Variants in FGD5 observed in about 807,000 individuals in gnomAD.
FGD5 encodes the protein FYVE, RhoGEF and PH domain containing 5.
FGD5 carries 28 observed loss-of-function variants against 133.4 expected under a neutral mutation model. The ratio of observed to expected loss-of-function variants is 0.21; its 90% CI spans 0.16 to 0.29. The LOEUF (loss-of-function observed/expected upper bound fraction) is 0.29, where lower values mean the gene tolerates loss of function less well. Ranked by LOEUF, FGD5 falls within the 10% of genes least tolerant of loss-of-function variation. FGD5 has a pLI of 1.00. For missense variants in FGD5, 1,858 were observed against 1,895.2 expected, an observed-to-expected ratio of 0.98 and a Z score of 0.36; for synonymous variants, 810 against 776.5, an observed-to-expected ratio of 1.04 and a Z score of -0.72.
intron 11 of FGD5, among the ~76,000 whole-genome samples, chr3:14,915,389 T>C (rs978211786): frequency 9.2e-5 from 14 of 152,234 alleles, no homozygotes; most frequent in African/African-American, 3.4e-4. Context: ...TCCTTACACA[T>C]CCCTACTTTA....
chr3:14,827,101 C>G (rs1391089728), intron 1 of FGD5, among the ~76,000 whole-genome samples: 1 of 152,076 alleles, frequency 6.6e-6, no homozygotes, highest in Non-Finnish European at 1.5e-5. Context: ...GTAGGAATTT[C>G]CAGCTCCCAT....
intron 1 of FGD5, among the ~76,000 whole-genome samples, chr3:14,832,370 T>C (rs1452377773): frequency 1.3e-5 from 2 of 152,280 alleles, no homozygotes; most frequent in African/African-American, 2.4e-5. Context: ...TAGATGCTGT[T>C]TTTTTGTCTG....
intron 1 of FGD5, among the ~76,000 whole-genome samples, chr3:14,846,515 A>G (rs1484463792): frequency 6.6e-6 from 1 of 152,254 alleles, no homozygotes; most frequent in African/African-American, 2.4e-5. Context: ...GCTTAGTTGC[A>G]TAGCTCATAA....
At chr3:14,873,469 G>A (rs900321045) in intron 2 of FGD5, among the ~76,000 whole-genome samples, 1 of 152,146 alleles carries the variant, frequency 6.6e-6, no homozygotes, top group Non-Finnish European at 1.5e-5. Context: ...AAACAGATGG[G>A]ATGAAGGCAT....
At chr3:14,812,510 T>A (rs902323291) in intron 1 of FGD5, among the ~76,000 whole-genome samples, 1 of 152,132 alleles carries the variant, frequency 6.6e-6, no homozygotes, top group South Asian at 2.1e-4. Context: ...TAGAGGCAGG[T>A]TTGGTCCCAG....
At chr3:14,867,442 A>G (rs1486172379) in intron 2 of FGD5, among the ~76,000 whole-genome samples, 1 of 152,232 alleles carries the variant, frequency 6.6e-6, no homozygotes, top group Non-Finnish European at 1.5e-5. Context: ...ATTGCAGTGA[A>G]CTTGTTCACA....
rs186474134 is a variant in FGD5, at chr3:14,844,306, G to A, written c.2526-19822G>A. ...TTCCAGGCCCTTCCCCTGAGACTCG[G>A]ATTCACTGGGTGTGGGGTGTTGCTG... On this transcript the variant is annotated intron_variant, in intron 1 of 19. Transcript: ENST00000285046. Among the ~76,000 whole-genome samples the A allele has an allele frequency of 3.5e-3, 436 of 126,100 alleles. 2 individuals carry two copies. Among genetic ancestry groups the A allele is most frequent in the Non-Finnish European group, 6.0e-3 (364 of 60,920 alleles). The allele number at this position is 126,100 out of a possible 152,430, so 82.7% of individuals were successfully genotyped here.
intron 9 of FGD5, among the ~76,000 whole-genome samples, chr3:14,905,176 A>G (rs1267120405): frequency 2.0e-5 from 3 of 152,092 alleles, no homozygotes; most frequent in Non-Finnish European, 4.4e-5. Flanking sequence ...ACCTGGATGG[A>G]CAGTTTTTCT....
At chr3:14,859,691 T>C (rs2037359134) in intron 1 of FGD5, among the ~76,000 whole-genome samples, 1 of 152,228 alleles carries the variant, frequency 6.6e-6, no homozygotes, top group African/African-American at 2.4e-5. Context: ...TGTGCAGTAG[T>C]CTCAAAACCC....
At position 14,898,059 on chromosome 3, in the gene FGD5, C is replaced by G. The variant is rs754570338; in HGVS notation, c.3030C>G (p.His1010Gln). Residue 1010 changes from histidine to glutamine, a missense_variant, in exon 6 of 20, where the codon CAC becomes CAG. Coordinates refer to ENST00000285046, the MANE Select transcript of FGD5 (RefSeq NM_152536.4). ...YLGLLSENCL[H>Q]SPRLAAAVRE... ...GTCTGCTCAGTGAGAATTGCCTCCA[C>G]TCTCCCCGGCTGGCAGCTGCTGTCC... is the stretch of plus-strand genomic sequence containing the variant. 18 of 1,613,894 alleles carry G rather than the reference C, an allele frequency of 1.1e-5. No homozygotes were observed. In the East Asian group the frequency reaches 3.3e-4, roughly 30 times the overall value.
Position 14,821,294 on chromosome 3 carries a change from A to G in FGD5, c.2223A>G (p.Arg741=). 6.2e-7 allele frequency: 1 copy of G among 1,613,936 alleles called. No individual in the cohort carries two copies. The change falls in exon 1 of 20, where the codon AGA becomes AGG. Residue 741 remains arginine, a synonymous_variant. Coordinates refer to ENST00000285046, the MANE Select transcript of FGD5 (RefSeq NM_152536.4). ...TCCCCTTCAGCAGGACGGTGTCCAG[A>G]GTGGAGTCCTTTGAAGACCGCTCCC... ...KGVPFSRTVS[R]VESFEDRSRP...
intron 18 of FGD5, among the ~76,000 whole-genome samples, chr3:14,927,538 A>G (rs1275866325): frequency 3.9e-5 from 1 of 25,874 alleles, no homozygotes; most frequent in Non-Finnish European, 6.4e-5. Flanking sequence ...AGAAAGAGGA[A>G]TTTACATAAT....
chr3:14,924,521 G>A (rs1186866368), intron 17 of FGD5, among the ~76,000 whole-genome samples: 6 of 152,068 alleles, frequency 3.9e-5, no homozygotes, highest in East Asian at 1.9e-4. Flanking sequence ...AGGTGTTGAC[G>A]TCCCTGGAGG....
chr3:14,869,402 C>T lies in FGD5; in HGVS notation c.2658+5142C>T, dbSNP rs1306112027. 2.6e-5 allele frequency among the ~76,000 whole-genome samples: 4 copies of T among 152,094 alleles called. No individual in the cohort carries two copies. The East Asian group carries it at 7.7e-4, about 29-fold the overall frequency. On this transcript the variant is annotated intron_variant, in intron 2 of 19. Transcript: ENST00000285046. ...GTGGGGGCATCTTAGACACAGAATG[C>T]CTTCATTTTTCTATTTTTAAAAAAT... is the stretch of plus-strand genomic sequence containing the variant.
intron 11 of FGD5, among the ~76,000 whole-genome samples, chr3:14,915,398 T>C (rs1253469878): frequency 6.6e-6 from 1 of 152,260 alleles, no homozygotes; most frequent in Admixed American, 6.5e-5. Flanking sequence ...ATCCCTACTT[T>C]ATGTTTTCCT....
At chr3:14,891,156 CTGG>C (rs2038018178) in intron 4 of FGD5, among the ~76,000 whole-genome samples, 1 of 152,188 alleles carries the variant, frequency 6.6e-6, no homozygotes, top group Admixed American at 6.5e-5. Context: ...GCCTGCAGGG[CTGG>C]AGGCTGGGTC....
Position 14,819,225 on chromosome 3 carries a change from T to G in FGD5, c.154T>G (p.Ser52Ala). The G allele has an allele frequency of 3.9e-6, 6 of 1,548,204 alleles. No homozygotes were observed. The highest frequency in any genetic ancestry group is 5.2e-6 in the Non-Finnish European group (6 of 1,145,716). ...CAGGGGGCTTGATGAGGGGCCCCGG[T>G]CCATCCCAAAGTGCTCTGAGTCGGA... ...VDRGLDEGPR[S>A]IPKCSESETD... Residue 52 changes from serine (S) to alanine (A), a missense_variant, in exon 1 of 20, where the codon TCC becomes GCC. Ser to Ala is a moderately conservative substitution (Grantham distance 99). Transcript: ENST00000285046. This position sits in a 1 kb window ranked among gnomAD's most constrained non-coding sequence, Gnocchi z 4.1.
chr3:14,897,754 A>G (rs2038164287), intron 5 of FGD5, 85 bp downstream of exon 5: 1 of 1,477,458 alleles, frequency 6.8e-7, no homozygotes, highest in Non-Finnish European at 9.0e-7. Flanking sequence ...ATGAAATAGT[A>G]TCTCCATTTG....
chr3:14,924,601 A>T (rs1432494812), intron 17 of FGD5, among the ~76,000 whole-genome samples: 2 of 152,190 alleles, frequency 1.3e-5, no homozygotes, highest in African/African-American at 4.8e-5. Context: ...ACCAGATTGT[A>T]TGTCTGTATT....
Sources: allele counts gnomAD v4.1 joint callset (sites outside exome capture counted in the v4.1 genomes callset), GRCh38; gene constraint gnomAD v4.1.1; non-coding constraint Gnocchi (gnomAD v3.1); transcripts MANE v1.5; gene names NCBI Gene and HGNC (gene_info 2026-07-23, HGNC 2026-07-21).